The following CNTN5 variants were observed in gnomAD, a reference collection of about 807,000 sequenced individuals.
CNTN5 encodes the protein contactin 5, also known as contactin-5.
CNTN5 carries 77 observed loss-of-function variants against 129.1 expected under a neutral mutation model. The ratio of observed to expected loss-of-function variants is 0.60; its 90% CI spans 0.50 to 0.72. The LOEUF (loss-of-function observed/expected upper bound fraction) is 0.72, where lower values mean the gene tolerates loss of function less well. CNTN5 is among the 30% of genes least tolerant of loss of function. The pLI, the probability that CNTN5 is intolerant of heterozygous loss-of-function variation, is 0.00. For missense variants in CNTN5, 1,478 were observed against 1,328.8 expected, an observed-to-expected ratio of 1.11 and a Z score of -1.75; for synonymous variants, 509 against 465.6, an observed-to-expected ratio of 1.09 and a Z score of -1.20.
At chr11:100,199,537 T>C (rs954833828) in intron 15 of CNTN5, among the ~76,000 whole-genome samples, 2 of 151,820 alleles carry the variant, frequency 1.3e-5, no homozygotes, top group African/African-American at 4.8e-5. Flanking sequence ...CAACCAAAAC[T>C]TGGGGACCCT....
At chr11:99,166,990 T>G (rs2135529433) in intron 1 of CNTN5, among the ~76,000 whole-genome samples, 1 of 152,284 alleles carries the variant, frequency 6.6e-6, no homozygotes, top group African/African-American at 2.4e-5. Context: ...CCTTTAGAGT[T>G]AATTGCTTGA....
intron 3 of CNTN5, among the ~76,000 whole-genome samples, chr11:99,796,279 G>T (rs924419277): frequency 6.6e-5 from 10 of 152,116 alleles, no homozygotes; most frequent in Non-Finnish European, 1.5e-5. Flanking sequence ...CACAGTCAGG[G>T]AGTGGCAGGG....
intron 3 of CNTN5, among the ~76,000 whole-genome samples, chr11:99,562,961 A>G (rs1948890303): frequency 6.6e-6 from 1 of 152,238 alleles, no homozygotes; most frequent in Non-Finnish European, 1.5e-5. Context: ...CATGGATGAC[A>G]TTTTAAGATA....
intron 20 of CNTN5, among the ~76,000 whole-genome samples, chr11:100,306,771 T>A (rs1449965294): frequency 6.6e-6 from 1 of 151,586 alleles, no homozygotes; most frequent in Admixed American, 6.6e-5. Flanking sequence ...ATGTTTTAAA[T>A]TGGACAGATG....
intron 3 of CNTN5, among the ~76,000 whole-genome samples, chr11:99,627,201 A>G (rs149358692): frequency 6.6e-6 from 1 of 152,214 alleles, no homozygotes; most frequent in African/African-American, 2.4e-5. Context: ...GACCATGTGA[A>G]TGACTAGATT....
chr11:99,676,980 ACT>A (rs1953315786), intron 3 of CNTN5, among the ~76,000 whole-genome samples: 1 of 152,142 alleles, frequency 6.6e-6, no homozygotes, highest in Admixed American at 6.5e-5. Flanking sequence ...GTTTGACTAC[ACT>A]TTTAGAAACT....
intron 3 of CNTN5, among the ~76,000 whole-genome samples, chr11:99,764,478 T>C (rs2508658): frequency 0.53 from 79,882 of 151,576 alleles, 21,560 homozygotes; most frequent in East Asian, 0.71. Context: ...TACAATGGCG[T>C]GATCTTGGCT....
At chr11:99,431,784 A>T (rs1238571858) in intron 2 of CNTN5, among the ~76,000 whole-genome samples, 2 of 152,220 alleles carry the variant, frequency 1.3e-5, no homozygotes, top group East Asian at 3.8e-4. Flanking sequence ...ACAATCTGTG[A>T]TCCATGCCTT....
intron 13 of CNTN5, among the ~76,000 whole-genome samples, chr11:100,145,682 G>T (rs1266863796): frequency 1.3e-5 from 2 of 152,076 alleles, no homozygotes; most frequent in Admixed American, 6.6e-5. Context: ...ATACAGAAAG[G>T]CTTATTGACT....
chr11:99,856,292 CT>C (rs1241015209), intron 6 of CNTN5, among the ~76,000 whole-genome samples: 2 of 152,176 alleles, frequency 1.3e-5, no homozygotes, highest in African/African-American at 2.4e-5. Context: ...AGTTCAAGTC[CT>C]CTTCAGCTAA....
At chr11:99,877,948 TGA>T (rs2135842829) in intron 6 of CNTN5, among the ~76,000 whole-genome samples, 1 of 152,332 alleles carries the variant, frequency 6.6e-6, no homozygotes, top group African/African-American at 2.4e-5. Flanking sequence ...TAGGATTCTG[TGA>T]GAGTGCATGG....
rs375973150 is a variant in CNTN5 at position 100,350,860 on chromosome 11, A to G, written c.3189A>G (p.Pro1063=). ...CAGCTAGTTCTCAAATTAGGGTACC[A>G]TCATATTCAGGTAAGTTTTGACACA... ...DGTASSQIRV[P]SYSGGKITSA... is the part of the protein sequence containing the mutation. The change falls in exon 24 of 25, where the codon CCA becomes CCG. Residue 1063 remains proline, a synonymous_variant. Transcript: ENST00000524871. The G allele has an allele frequency of 2.9e-5, 45 of 1,572,748 alleles. No homozygotes were observed. In the African/African-American group the frequency reaches 4.9e-4, roughly 17 times the overall value.
At chr11:99,123,891 T>G (rs938062303) in intron 1 of CNTN5, among the ~76,000 whole-genome samples, 1 of 152,118 alleles carries the variant, frequency 6.6e-6, no homozygotes, top group African/African-American at 2.4e-5. Context: ...TCTGTTCTGA[T>G]CCATTGGTTT....
chr11:100,026,097 C>T (rs892159958), intron 9 of CNTN5, among the ~76,000 whole-genome samples: 1 of 152,102 alleles, frequency 6.6e-6, no homozygotes, highest in Non-Finnish European at 1.5e-5. Flanking sequence ...CCTTAATCCC[C>T]ATGTGTCAAG....
At chr11:99,354,255 A>G (rs1199382851) in intron 2 of CNTN5, among the ~76,000 whole-genome samples, 2 of 152,204 alleles carry the variant, frequency 1.3e-5, no homozygotes, top group Non-Finnish European at 2.9e-5. Flanking sequence ...GATAAATCAC[A>G]TGCTATTTAA....
intron 1 of CNTN5, among the ~76,000 whole-genome samples, chr11:99,141,630 G>A (rs1324103333): frequency 6.6e-6 from 1 of 151,788 alleles, no homozygotes; most frequent in East Asian, 1.9e-4. Context: ...TTTTAATGTG[G>A]GTATTTAGCA....
chr11:99,558,908 T>G (rs899293771), intron 3 of CNTN5, among the ~76,000 whole-genome samples: 1 of 152,042 alleles, frequency 6.6e-6, no homozygotes, highest in African/African-American at 2.4e-5. Flanking sequence ...GATGAATTTC[T>G]TTTTTGCTGT....
At chr11:99,206,435 G>T (rs11218818) in intron 1 of CNTN5, among the ~76,000 whole-genome samples, 2 of 151,992 alleles carry the variant, frequency 1.3e-5, no homozygotes, top group African/African-American at 2.4e-5. Flanking sequence ...GCTTTATTTT[G>T]TGTGTCTTTT....
At chr11:100,222,478 T>C (rs1379458040) in intron 15 of CNTN5, among the ~76,000 whole-genome samples, 1 of 152,166 alleles carries the variant, frequency 6.6e-6, no homozygotes, top group Non-Finnish European at 1.5e-5. Context: ...AGGAGATATA[T>C]AAATAAATTA....
Sources: allele counts gnomAD v4.1 joint callset (sites outside exome capture counted in the v4.1 genomes callset), GRCh38; gene constraint gnomAD v4.1.1; transcripts MANE v1.5; gene names NCBI Gene and HGNC (gene_info 2026-07-23, HGNC 2026-07-21).